The following RB1 variants were observed in gnomAD, a reference collection of about 807,000 sequenced individuals.
RB1 encodes the protein RB transcriptional corepressor 1, also known as retinoblastoma-associated protein.
Under a neutral mutation model 135.4 loss-of-function variants are expected in RB1, and 18 were observed. The observed-to-expected ratio is 0.13, with a 90% CI of 0.09 to 0.20. RB1 has a LOEUF of 0.20. RB1 is among the 10% of genes least tolerant of loss of function. The probability of loss-of-function intolerance (pLI) is 1.00; values close to 1 mark genes in which losing one functional copy is unlikely to be tolerated. For missense variants in RB1, 868 were observed against 1,110.0 expected, an observed-to-expected ratio of 0.78 and a Z score of 3.10; for synonymous variants, 365 against 373.2, an observed-to-expected ratio of 0.98 and a Z score of 0.25.
chr13:48,480,578 C>A lies in RB1; in HGVS notation c.*507C>A. On this transcript the variant is annotated 3_prime_UTR_variant, in exon 27 of 27. Transcript: ENST00000267163. ...ACCAAAATTATCCTGAACTCTTCTG[C>A]AAAAATGGATATTATTAGAAATTAG... The A allele has an allele frequency of 4.4e-6, 1 of 226,432 alleles. No homozygotes were observed. The allele number at this position is 226,432 out of a possible 1,614,324, so 14.0% of individuals were successfully genotyped here.
At chr13:48,440,620 T>C (rs1281774542) in intron 17 of RB1, among the ~76,000 whole-genome samples, 5 of 152,178 alleles carry the variant, frequency 3.3e-5, no homozygotes, top group Non-Finnish European at 7.4e-5. Flanking sequence ...GAATTTATGA[T>C]CAAGGGCTAG....
In RB1 at chr13:48,346,321, T is replaced by C. The variant is rs543043622; in HGVS notation, c.500+1122T>C. Among the ~76,000 whole-genome samples, 649 of 151,632 alleles carry C rather than the reference T, an allele frequency of 4.3e-3. 3 individuals carry two copies. The highest frequency in any genetic ancestry group is 5.7e-3 in the Non-Finnish European group (385 of 67,812). On this transcript the variant is annotated intron_variant, in intron 4 of 26. Coordinates refer to ENST00000267163, the MANE Select transcript of RB1 (RefSeq NM_000321.3). The stretch of plus-strand genomic sequence containing the variant: ...GAGAATCACTTTTCATATTTTAGAA[T>C]GTTTCTTTCCTTTGGGTATTGTTTC...
chr13:48,435,304 A>G (rs1248327781), intron 17 of RB1, among the ~76,000 whole-genome samples: 1 of 152,158 alleles, frequency 6.6e-6, no homozygotes, highest in Non-Finnish European at 1.5e-5. Flanking sequence ...TGCATTTCCC[A>G]TCAGGATGAT....
At chr13:48,338,416 C>T (rs1400392414) in intron 2 of RB1, among the ~76,000 whole-genome samples, 1 of 152,196 alleles carries the variant, frequency 6.6e-6, no homozygotes, top group Non-Finnish European at 1.5e-5. Flanking sequence ...CTTCTTGCTT[C>T]ATTTCATTCA....
chr13:48,481,577 A>C lies in RB1; in HGVS notation c.*1506A>C. On this transcript the variant is annotated 3_prime_UTR_variant, in exon 27 of 27. Coordinates refer to ENST00000267163, the MANE Select transcript of RB1 (RefSeq NM_000321.3). The stretch of plus-strand genomic sequence containing the variant: ...ACTTACTATTTTGACAGTTATTTTG[A>C]TAACAATGACACTAGAAAACTTGAC... 4.3e-6 allele frequency: 1 copy of C among 230,678 alleles called. No homozygotes were observed. Among genetic ancestry groups the C allele is most frequent in the Non-Finnish European group, 8.6e-6 (1 of 116,284 alleles). The allele number at this position is 230,678 out of a possible 1,614,324, so 14.3% of individuals were successfully genotyped here.
rs1377688261 is a variant in RB1, at chr13:48,480,073, G to A, written c.*2G>A. ...ACCTCAAACAAGGAAGAGAAATGAGGATCTCAGGACCTTGGTGGACACTGT... is the reference window on the plus strand; with the variant it reads ...ACCTCAAACAAGGAAGAGAAATGAGAATCTCAGGACCTTGGTGGACACTGT... On this transcript the variant is annotated 3_prime_UTR_variant, in exon 27 of 27. Coordinates refer to ENST00000267163, the MANE Select transcript of RB1 (RefSeq NM_000321.3). 2 of 1,609,538 alleles carry A rather than the reference G, an allele frequency of 1.2e-6. No individual in the cohort carries two copies. The highest frequency in any genetic ancestry group is 1.6e-4 in the Middle Eastern group (1 of 6,078).
Position 48,380,145 on chromosome 13 carries a change from T to A in RB1, c.1422-20T>A. 1 of 1,511,878 alleles carries A rather than the reference T, an allele frequency of 6.6e-7. No homozygotes were observed. The allele number at this position is 1,511,878 out of a possible 1,614,324, so 93.7% of individuals were successfully genotyped here. A position where few individuals can be genotyped will look rare whatever the true frequency, so the allele number is the denominator to read the frequency against. ...TTTTATAGAAGTAAGTATTTTATAA[T>A]CTTTTTTTTTTTCCTTTAGCAAACT... On this transcript the variant is annotated intron_variant, in intron 15 of 26. Coordinates refer to ENST00000267163, the MANE Select transcript of RB1 (RefSeq NM_000321.3).
At chr13:48,310,650 T>C (rs2138039426) in intron 2 of RB1, among the ~76,000 whole-genome samples, 1 of 152,278 alleles carries the variant, frequency 6.6e-6, no homozygotes, top group Non-Finnish European at 1.5e-5. Flanking sequence ...ATGTATTTTT[T>C]TTTAGGAGAA....
At chr13:48,396,643 G>A (rs1171324564) in intron 17 of RB1, among the ~76,000 whole-genome samples, 6 of 152,058 alleles carry the variant, frequency 3.9e-5, no homozygotes, top group Admixed American at 1.3e-4. Context: ...CAAAATTGAC[G>A]AATGGGATCT....
At chr13:48,478,990 G>A (rs1949520523) in intron 26 of RB1, among the ~76,000 whole-genome samples, 1 of 152,124 alleles carries the variant, frequency 6.6e-6, no homozygotes. Context: ...ACTATGGGAG[G>A]GCAAGGTGAG....
At chr13:48,411,683 G>T in intron 17 of RB1, 7 of 1,609,186 alleles carry the variant, frequency 4.4e-6, no homozygotes, top group Non-Finnish European at 6.0e-6. Context: ...AAATAAGATT[G>T]ATATTGTAAG....
At chr13:48,457,099 A>G (rs940853039) in intron 19 of RB1, among the ~76,000 whole-genome samples, 13 of 152,212 alleles carry the variant, frequency 8.5e-5, no homozygotes, top group African/African-American at 3.1e-4. Context: ...AGGAAGAATG[A>G]GGTACACAGA....
rs1169534518 is a variant in RB1, at chr13:48,332,128, CAGAA to C, written c.265-10467_265-10464del. Among the ~76,000 whole-genome samples, 8 of 152,122 alleles carry C rather than the reference CAGAA, an allele frequency of 5.3e-5. No individual in the cohort carries two copies. In the East Asian group the frequency reaches 1.5e-3, roughly 29 times the overall value. ...GACATTATGTTGTATTAGTCAGACA[CAGAA>C]AGACAAATACTGCATGATCTCATTT... On this transcript the variant is annotated intron_variant, in intron 2 of 26. Coordinates refer to ENST00000267163, the MANE Select transcript of RB1 (RefSeq NM_000321.3).
chr13:48,478,607 C>G (rs985791633), intron 26 of RB1, among the ~76,000 whole-genome samples: 4 of 152,210 alleles, frequency 2.6e-5, no homozygotes, highest in Non-Finnish European at 4.4e-5. Context: ...CAGTGACACA[C>G]TTAGCTATGA....
intron 19 of RB1, among the ~76,000 whole-genome samples, chr13:48,456,653 G>A (rs938789624): frequency 6.6e-6 from 1 of 152,184 alleles, no homozygotes; most frequent in African/African-American, 2.4e-5. Flanking sequence ...CTACCGGCCT[G>A]GGTCCATGCC....
chr13:48,318,202 C>T, intron 2 of RB1: 2 of 592,374 alleles, frequency 3.4e-6, no homozygotes, highest in Non-Finnish European at 3.0e-6. Flanking sequence ...TTCCCTGGAC[C>T]CTCGCCGCTG....
At chr13:48,401,749 G>A (rs181932437) in intron 17 of RB1, among the ~76,000 whole-genome samples, 5 of 152,260 alleles carry the variant, frequency 3.3e-5, no homozygotes, top group Admixed American at 6.5e-5. Flanking sequence ...ATAAGGAAAC[G>A]TAGAATAGGA....
intron 2 of RB1, chr13:48,317,906 G>T: frequency 2.5e-6 from 1 of 406,858 alleles, no homozygotes. Context: ...AGAGCAGCAG[G>T]GCCCTCTGCC....
intron 17 of RB1, among the ~76,000 whole-genome samples, chr13:48,422,098 C>T (rs952565249): frequency 3.2e-4 from 48 of 152,272 alleles, no homozygotes; most frequent in Admixed American, 2.6e-4. Flanking sequence ...TTTACAATAG[C>T]AAAGACTTGG....
Sources: gnomAD v4.1 joint callset for allele counts (sites outside exome capture counted in the v4.1 genomes callset) on GRCh38, gnomAD v4.1.1 for gene constraint, MANE v1.5 for transcripts, NCBI Gene and HGNC (gene_info 2026-07-23, HGNC 2026-07-21) for gene names.